RAB6A: variants seen among roughly 807,000 people sequenced by gnomAD.
The protein encoded by RAB6A is RAB6A, member RAS oncogene family.
A neutral mutation model predicts 32.3 loss-of-function variants in RAB6A; 8 were observed. The observed-to-expected ratio is 0.25, with a 90% CI of 0.15 to 0.45. The LOEUF is 0.45. Ranked by LOEUF, RAB6A falls within the 20% of genes least tolerant of loss-of-function variation. The pLI is 1.00. For missense variants in RAB6A, 104 were observed against 249.4 expected (o/e 0.42, Z 3.93); for synonymous variants, 73 against 82.1 (o/e 0.89, Z 0.60).
chr11:73,676,102 A>C lies in RAB6A; in HGVS notation c.*1796T>G. 6.0e-6 allele frequency: 1 copy of C among 167,238 alleles called. No individual in the cohort carries two copies. The allele number at this position is 167,238 out of a possible 1,614,324, so 10.4% of individuals were successfully genotyped here. On this transcript the variant is annotated 3_prime_UTR_variant, in exon 8 of 8. Coordinates refer to ENST00000336083, the MANE Select transcript of RAB6A (RefSeq NM_198896.2). Reference sequence around the variant, plus strand: ...AATCCAAGTGCTCTCTGAATATTACAAGGTGACAATAAGTGGGAAGTGGAG... The same window carrying C: ...AATCCAAGTGCTCTCTGAATATTACCAGGTGACAATAAGTGGGAAGTGGAG...
intron 1 of RAB6A, among the ~76,000 whole-genome samples, chr11:73,759,227 C>T (rs1946805470): frequency 6.6e-6 from 1 of 152,158 alleles, no homozygotes; most frequent in African/African-American, 2.4e-5. Context: ...CAGAACTAAT[C>T]TCTCAATGTC....
intron 5 of RAB6A, among the ~76,000 whole-genome samples, chr11:73,714,384 G>T (rs11235875): frequency 1.3e-5 from 2 of 151,764 alleles, no homozygotes; most frequent in African/African-American, 4.8e-5. Flanking sequence ...TGAAGAGGCC[G>T]GGCGCGGTGA....
intron 5 of RAB6A, among the ~76,000 whole-genome samples, chr11:73,708,405 G>C (rs899032503): frequency 2.6e-5 from 4 of 152,138 alleles, no homozygotes; most frequent in Admixed American, 2.6e-4. Context: ...CTGACCTCAG[G>C]TGATCCACCC....
chr11:73,709,830 T>TAC (rs386374156), intron 5 of RAB6A, among the ~76,000 whole-genome samples: 3 of 100,436 alleles, frequency 3.0e-5, no homozygotes, highest in East Asian at 3.0e-4. Context: ...TGCATATATA[T>TAC]ACATATATAC....
intron 1 of RAB6A, among the ~76,000 whole-genome samples, chr11:73,752,634 A>G (rs751514250): frequency 1.3e-5 from 2 of 152,154 alleles, no homozygotes; most frequent in Admixed American, 6.6e-5. Flanking sequence ...CCTGGGCAAC[A>G]TGGCAAAACG....
intron 4 of RAB6A, among the ~76,000 whole-genome samples, chr11:73,717,795 G>A (rs1946073711): frequency 6.6e-6 from 1 of 152,214 alleles, no homozygotes; most frequent in Non-Finnish European, 1.5e-5. Context: ...GAACCCAGGA[G>A]TTCAAGACCC....
At chr11:73,714,943 G>A (rs1436140391) in intron 5 of RAB6A, among the ~76,000 whole-genome samples, 1 of 152,098 alleles carries the variant, frequency 6.6e-6, no homozygotes, top group African/African-American at 2.4e-5. Context: ...TCCAGCCTGG[G>A]CGACGGAATG....
chr11:73,744,564 C>T (rs933645002), intron 1 of RAB6A, among the ~76,000 whole-genome samples: 18 of 141,134 alleles, frequency 1.3e-4, no homozygotes, highest in Non-Finnish European at 1.8e-4. Flanking sequence ...TAGATGGCAG[C>T]AGGACTTTTA....
At chr11:73,741,878 G>A (rs1487855755) in intron 1 of RAB6A, among the ~76,000 whole-genome samples, 5 of 152,160 alleles carry the variant, frequency 3.3e-5, no homozygotes, top group Non-Finnish European at 7.3e-5. Flanking sequence ...TAGGTTCACA[G>A]CAAAATTGAG....
At chr11:73,693,142 G>A (rs2134888391) in intron 6 of RAB6A, among the ~76,000 whole-genome samples, 1 of 151,990 alleles carries the variant, frequency 6.6e-6, no homozygotes, top group South Asian at 2.1e-4. Context: ...ACAAAAATTA[G>A]CCATGCGTGG....
intron 6 of RAB6A, among the ~76,000 whole-genome samples, chr11:73,703,737 TA>T (rs915168133): frequency 1.3e-5 from 2 of 148,448 alleles, no homozygotes; most frequent in African/African-American, 2.5e-5. Flanking sequence ...CAAGACTGTC[TA>T]AAAAAAACCC....
At chr11:73,683,035 T>C (rs546379182) in intron 6 of RAB6A, among the ~76,000 whole-genome samples, 6 of 152,236 alleles carry the variant, frequency 3.9e-5, no homozygotes, top group South Asian at 4.1e-4. Flanking sequence ...ACATATTTTA[T>C]AGAAATTGAG....
chr11:73,739,280 A>T (rs868834810), intron 1 of RAB6A, among the ~76,000 whole-genome samples: 872 of 18,222 alleles, frequency 0.048, 28 homozygotes, highest in Non-Finnish European at 0.08. Context: ...AAAAAAAAAA[A>T]AAAAATATAT....
At chr11:73,715,576 T>C (rs917354436) in intron 5 of RAB6A, among the ~76,000 whole-genome samples, 6 of 152,164 alleles carry the variant, frequency 3.9e-5, no homozygotes, top group African/African-American at 1.4e-4. Context: ...AACAAATAAA[T>C]AGTAAAAGCT....
At chr11:73,743,233 A>T (rs976197710) in intron 1 of RAB6A, among the ~76,000 whole-genome samples, 10 of 149,262 alleles carry the variant, frequency 6.7e-5, no homozygotes, top group South Asian at 6.6e-4. Context: ...TGAACCTGGG[A>T]GGCGGAGGTT....
chr11:73,705,850 A>C (rs1945832777), intron 6 of RAB6A, among the ~76,000 whole-genome samples: 1 of 151,494 alleles, frequency 6.6e-6, no homozygotes, highest in African/African-American at 2.4e-5. Context: ...TGCTGAGATC[A>C]GGTCGGTGAA....
At chr11:73,744,047 AT>A (rs1163946783) in intron 1 of RAB6A, among the ~76,000 whole-genome samples, 1 of 152,070 alleles carries the variant, frequency 6.6e-6, no homozygotes, top group Non-Finnish European at 1.5e-5. Flanking sequence ...TCTACAAAAA[AT>A]TTTAAACTGG....
intron 1 of RAB6A, among the ~76,000 whole-genome samples, chr11:73,758,170 C>G (rs574624795): frequency 2.0e-5 from 3 of 152,082 alleles, no homozygotes; most frequent in Non-Finnish European, 4.4e-5. Flanking sequence ...AGACACTGAC[C>G]ATGAAAACAG....
intron 2 of RAB6A, chr11:73,722,515 T>A (rs1192751062): frequency 6.6e-6 from 1 of 151,062 alleles, no homozygotes; most frequent in African/African-American, 2.4e-5. Flanking sequence ...TGTATTTTTT[T>A]ATAGAGACAG....
Sources: gnomAD v4.1 joint callset for allele counts (sites outside exome capture counted in the v4.1 genomes callset) on GRCh38, gnomAD v4.1.1 for gene constraint, MANE v1.5 for transcripts, NCBI Gene and HGNC (gene_info 2026-07-23, HGNC 2026-07-21) for gene names.